SMOC2: variants seen among roughly 807,000 people sequenced by gnomAD.
The protein encoded by SMOC2 is SPARC-related modular calcium-binding protein 2.
Under a neutral mutation model 61.4 loss-of-function variants are expected in SMOC2, and 39 were observed. The ratio of observed to expected loss-of-function variants is 0.64; its 90% CI spans 0.49 to 0.83. SMOC2 has a LOEUF of 0.83. Ranked by LOEUF, SMOC2 falls within the 40% of genes least tolerant of loss-of-function variation. SMOC2 has a pLI of 0.00. For synonymous variants in SMOC2, 247 were observed against 239.9 expected (o/e 1.03, Z -0.27); for missense variants, 556 against 592.9 (o/e 0.94, Z 0.65).
At chr6:168,612,872 G>A (rs1212118311) in intron 9 of SMOC2, among the ~76,000 whole-genome samples, 2 of 152,198 alleles carry the variant, frequency 1.3e-5, no homozygotes, top group African/African-American at 4.8e-5. Context: ...CAGGGCAGGA[G>A]CATCGGCCAA....
chr6:168,536,420 T>A (rs576847459), intron 4 of SMOC2, among the ~76,000 whole-genome samples: 1 of 151,962 alleles, frequency 6.6e-6, no homozygotes, highest in African/African-American at 2.4e-5. Flanking sequence ...AGCTGGCGGA[T>A]AAGGAGGTGG....
chr6:168,540,706 C>G (rs139752328), intron 4 of SMOC2, among the ~76,000 whole-genome samples: 2 of 152,152 alleles, frequency 1.3e-5, no homozygotes, highest in African/African-American at 4.8e-5. Flanking sequence ...GAGAAAAGCC[C>G]AATAGCACAG....
intron 2 of SMOC2, among the ~76,000 whole-genome samples, chr6:168,517,245 G>C (rs1044736225): frequency 1.3e-5 from 2 of 152,220 alleles, no homozygotes; most frequent in African/African-American, 4.8e-5. Flanking sequence ...TGTAGCTTCT[G>C]CAGAGCTGGG....
chr6:168,575,283 T>C (rs914640565), intron 7 of SMOC2, among the ~76,000 whole-genome samples: 2 of 152,206 alleles, frequency 1.3e-5, no homozygotes, highest in Non-Finnish European at 2.9e-5. Context: ...GCACTCAACA[T>C]GCATTTCGGA....
rs552979686 is a variant in SMOC2 at position 168,564,310 on chromosome 6, C to A, written c.637+15107C>A. Reference sequence around the variant, plus strand: ...AGAAGAGTGCCTATTCTTTGCACCCCATCTGCATGCCTGTGTGTGTTTATA... The same window carrying A: ...AGAAGAGTGCCTATTCTTTGCACCCAATCTGCATGCCTGTGTGTGTTTATA... On this transcript the variant is annotated intron_variant, in intron 7 of 12. Transcript: ENST00000356284. Among the ~76,000 whole-genome samples, 5 of 152,188 alleles carry A rather than the reference C, an allele frequency of 3.3e-5. No homozygotes were observed. In the East Asian group the frequency reaches 9.7e-4, roughly 29 times the overall value.
At chr6:168,566,702 TG>T (rs1437827724) in intron 7 of SMOC2, among the ~76,000 whole-genome samples, 1 of 152,108 alleles carries the variant, frequency 6.6e-6, no homozygotes, top group East Asian at 1.9e-4. Flanking sequence ...TGTATTTTTG[TG>T]TTTGCCAGGA....
intron 7 of SMOC2, among the ~76,000 whole-genome samples, chr6:168,578,409 A>C (rs1784853214): frequency 6.6e-6 from 1 of 152,192 alleles, no homozygotes; most frequent in African/African-American, 2.4e-5. Context: ...TGTTTCCTTC[A>C]AATTCCATTG....
At chr6:168,457,804 G>T (rs1361826299) in intron 1 of SMOC2, among the ~76,000 whole-genome samples, 1 of 152,154 alleles carries the variant, frequency 6.6e-6, no homozygotes, top group Admixed American at 6.5e-5. Flanking sequence ...AGCCTGTTTT[G>T]TTCTCTCTTC....
At chr6:168,445,205 G>GT (rs1228238014) in intron 1 of SMOC2, among the ~76,000 whole-genome samples, 1 of 152,124 alleles carries the variant, frequency 6.6e-6, no homozygotes, top group African/African-American at 2.4e-5. Context: ...TCCCTGCACT[G>GT]TTTTTTGCAC....
At chr6:168,568,745 C>A (rs1184320036) in intron 7 of SMOC2, among the ~76,000 whole-genome samples, 3 of 152,196 alleles carry the variant, frequency 2.0e-5, no homozygotes, top group Non-Finnish European at 4.4e-5. Context: ...AGTGTTGCCT[C>A]TTCCAGAATG....
At chr6:168,459,140 A>G (rs1237278402) in intron 1 of SMOC2, among the ~76,000 whole-genome samples, 1 of 152,182 alleles carries the variant, frequency 6.6e-6, no homozygotes, top group Non-Finnish European at 1.5e-5. Context: ...CAGATGGACG[A>G]GGTCATGTGA....
At chr6:168,464,925 AG>A (rs146868398) in intron 1 of SMOC2, among the ~76,000 whole-genome samples, 9,820 of 152,304 alleles carry the variant, frequency 0.064, 384 homozygotes, top group Non-Finnish European at 0.093. Flanking sequence ...TGGGCCTTCC[AG>A]GGGTGGCTCC....
intron 2 of SMOC2, among the ~76,000 whole-genome samples, chr6:168,523,875 AT>A (rs1222689152): frequency 1.3e-5 from 2 of 152,204 alleles, no homozygotes; most frequent in African/African-American, 4.8e-5. Context: ...AAGGAGAGAC[AT>A]TTATCATCAT....
At chr6:168,464,905 G>A (rs749489961) in intron 1 of SMOC2, among the ~76,000 whole-genome samples, 10 of 152,000 alleles carry the variant, frequency 6.6e-5, no homozygotes, top group Non-Finnish European at 1.3e-4. Flanking sequence ...TCACCTGGCC[G>A]CACAGTGCCT....
intron 1 of SMOC2, among the ~76,000 whole-genome samples, chr6:168,468,879 T>A (rs1781905559): frequency 6.6e-6 from 1 of 152,238 alleles, no homozygotes. Context: ...CAACTCTCAG[T>A]AATGTCTTTA....
intron 6 of SMOC2, 121 bp from the exon 7 acceptor site, chr6:168,549,008 G>T: frequency 1.4e-6 from 1 of 729,994 alleles, no homozygotes; most frequent in South Asian, 1.6e-5. Context: ...CTTTACAAAT[G>T]TACAATGTGT....
chr6:168,655,633 C>T, intron 11 of SMOC2: 1 of 331,866 alleles, frequency 3.0e-6, no homozygotes, highest in Non-Finnish European at 6.0e-6. Context: ...TGGATCCCCT[C>T]ACACGTGTGT....
At chr6:168,533,862 C>T (rs534148059) in intron 4 of SMOC2, among the ~76,000 whole-genome samples, 26 of 152,222 alleles carry the variant, frequency 1.7e-4, no homozygotes, top group African/African-American at 6.3e-4. Flanking sequence ...AAATTGAGGC[C>T]TCTTTCTAGA....
chr6:168,528,726 A>G lies in SMOC2; in HGVS notation c.463+999A>G, dbSNP rs114433942. 7.8e-3 allele frequency among the ~76,000 whole-genome samples: 1,186 copies of G among 152,358 alleles called. 21 individuals carry two copies. The highest frequency in any genetic ancestry group is 0.027 in the African/African-American group (1,121 of 41,578). ...TTCCAGCGACTGGCCATGGGGATGC[A>G]TGATGTGGAATTAAAATATGTTTAT... On this transcript the variant is annotated intron_variant, in intron 4 of 12. Transcript: ENST00000356284.
Sources: gnomAD v4.1 joint callset for allele counts (sites outside exome capture counted in the v4.1 genomes callset) on GRCh38, gnomAD v4.1.1 for gene constraint, MANE v1.5 for transcripts, NCBI Gene and HGNC (gene_info 2026-07-23, HGNC 2026-07-21) for gene names.